The following COG7 variants were observed in gnomAD, a reference collection of about 807,000 sequenced individuals.
COG7 encodes component of oligomeric golgi complex 7.
A neutral mutation model predicts 91.5 loss-of-function variants in COG7; 49 were observed. The ratio of observed to expected loss-of-function variants is 0.54; its 90% CI spans 0.43 to 0.68. The LOEUF is 0.68. Among genes scored for constraint, COG7 ranks in the 30% least tolerant of loss-of-function variants. The pLI, the probability that COG7 is intolerant of heterozygous loss-of-function variation, is 0.00. For synonymous variants in COG7, 365 were observed against 388.7 expected (o/e 0.94, Z 0.72); for missense variants, 895 against 961.3 (o/e 0.93, Z 0.91).
intron 5 of COG7, 55 bp from the exon 6 acceptor site, chr16:23,433,722 T>G (rs1963969912): frequency 1.7e-5 from 27 of 1,608,422 alleles, no homozygotes; most frequent in Non-Finnish European, 2.3e-5. Flanking sequence ...AGGTTGCCTG[T>G]GAACACTGCC....
intron 1 of COG7, among the ~76,000 whole-genome samples, chr16:23,452,351 C>T (rs566136414): frequency 6.6e-6 from 1 of 152,138 alleles, no homozygotes; most frequent in Non-Finnish European, 1.5e-5. Flanking sequence ...CCATTATGCC[C>T]AGGAATTTGA....
intron 7 of COG7, among the ~76,000 whole-genome samples, chr16:23,420,121 G>A (rs943877057): frequency 9.9e-5 from 15 of 152,072 alleles, no homozygotes; most frequent in Admixed American, 9.2e-4. Context: ...GCGAGAGTCC[G>A]TCTCAAAACA....
At position 23,424,852 on chromosome 16, in the gene COG7, C is replaced by T. The variant is rs781240758; in HGVS notation, c.906G>A (p.Val302=). ...PSLPSCLSNG[V]ERAGPEQELT... ...GCTCCTGCTCGGGCCCTGCCCTCTCCACGCCGTTGCTGAGGCAGGAGGGCA... is the reference window on the plus strand; with the variant it reads ...GCTCCTGCTCGGGCCCTGCCCTCTCTACGCCGTTGCTGAGGCAGGAGGGCA... Residue 302 remains valine, a synonymous_variant, in exon 7 of 17, where the codon GTG becomes GTA. Coordinates refer to ENST00000307149, the MANE Select transcript of COG7 (RefSeq NM_153603.4). 7.4e-6 allele frequency: 12 copies of T among 1,614,106 alleles called. No individual in the cohort carries two copies. The Admixed American group carries it at 8.3e-5, about 11-fold the overall frequency.
In COG7 at chr16:23,388,950, G is replaced by A. The variant is rs144814374; in HGVS notation, c.2283C>T (p.Thr761=). Residue 761 remains threonine, a synonymous_variant, in exon 17 of 17, where the codon ACC becomes ACT. Coordinates refer to ENST00000307149, the MANE Select transcript of COG7 (RefSeq NM_153603.4). ...AATTCACACTCCGCATGGTGGCCAC[G>A]GTGGTGGCCAGGCGACGGGGCAGGC... ...SKGLPRRLAT[T]VATMRSVNY The A allele has an allele frequency of 1.7e-3, 2,688 of 1,614,156 alleles. 6 individuals are homozygous for A. Among genetic ancestry groups the A allele is most frequent in the Non-Finnish European group, 2.0e-3 (2,343 of 1,180,026 alleles).
At chr16:23,451,385 G>A (rs1314397777) in intron 1 of COG7, among the ~76,000 whole-genome samples, 1 of 152,128 alleles carries the variant, frequency 6.6e-6, no homozygotes, top group African/African-American at 2.4e-5. Context: ...ATGGTTGCCA[G>A]TGCATGTTAT....
At chr16:23,420,907 CTAAT>C (rs1963744785) in intron 7 of COG7, among the ~76,000 whole-genome samples, 1 of 139,524 alleles carries the variant, frequency 7.2e-6, no homozygotes, top group Admixed American at 7.3e-5. Flanking sequence ...CTATACCTGG[CTAAT>C]TTTTTTTTTT....
chr16:23,425,079 G>C, intron 6 of COG7, 132 bp from the exon 7 acceptor site: 1 of 753,634 alleles, frequency 1.3e-6, no homozygotes, highest in East Asian at 2.7e-5. Flanking sequence ...GGAGGCCAAG[G>C]AAGGTGGATC....
chr16:23,396,360 G>A (rs2142060862), intron 14 of COG7, among the ~76,000 whole-genome samples: 1 of 152,224 alleles, frequency 6.6e-6, no homozygotes, highest in Middle Eastern at 3.4e-3. Flanking sequence ...AATTTAGACT[G>A]CAAGCATACT....
At chr16:23,429,547 T>C (rs1567342137) in intron 6 of COG7, among the ~76,000 whole-genome samples, 1 of 152,078 alleles carries the variant, frequency 6.6e-6, no homozygotes, top group Non-Finnish European at 1.5e-5. Flanking sequence ...GCAGATCACC[T>C]GAGGTCAGGA....
intron 13 of COG7, among the ~76,000 whole-genome samples, chr16:23,401,471 T>C (rs948236799): frequency 2.6e-5 from 4 of 152,132 alleles, no homozygotes; most frequent in African/African-American, 9.7e-5. Flanking sequence ...TGTTTAAATG[T>C]AGAACTAAGC....
intron 9 of COG7, chr16:23,415,286 C>T (rs1002338055): frequency 6.6e-6 from 1 of 152,256 alleles, no homozygotes; most frequent in African/African-American, 2.4e-5. Context: ...ACCTCTGCAA[C>T]TATGGCAAAT....
At position 23,389,062 on chromosome 16, in the gene COG7, G is replaced by A; in HGVS notation, c.2171C>T (p.Ala724Val). 2 of 1,614,016 alleles carry A rather than the reference G, an allele frequency of 1.2e-6. No homozygotes were observed. The highest frequency in any genetic ancestry group is 1.7e-6 in the Non-Finnish European group (2 of 1,180,026). ...GGTGCGGGACGGCTGCAGGCCCAGGGCATCCATCACGTTGATCAGATAGTC... is the reference window on the plus strand; with the variant it reads ...GGTGCGGGACGGCTGCAGGCCCAGGACATCCATCACGTTGATCAGATAGTC... ...DIDYLINVMD[A>V]LGLQPSRTLQ... The change falls in exon 17 of 17, where the codon GCC becomes GTC. Residue 724 changes from alanine to valine, a missense_variant. By Grantham distance (64) the Ala-to-Val change is moderately conservative. Transcript: ENST00000307149.
intron 7 of COG7, among the ~76,000 whole-genome samples, chr16:23,419,320 A>G (rs1366300066): frequency 3.9e-5 from 6 of 151,912 alleles, no homozygotes; most frequent in African/African-American, 1.5e-4. Context: ...CTGAGGCAGG[A>G]GAATCACTTG....
At chr16:23,399,364 T>C (rs1963337812) in intron 13 of COG7, among the ~76,000 whole-genome samples, 2 of 152,220 alleles carry the variant, frequency 1.3e-5, no homozygotes, top group Admixed American at 1.3e-4. Context: ...TTTTTCCAGC[T>C]AACTCCCAAT....
intron 16 of COG7, chr16:23,392,141 C>T: frequency 7.1e-7 from 1 of 1,405,260 alleles, no homozygotes; most frequent in Non-Finnish European, 9.3e-7. Flanking sequence ...TGAAGCTCCC[C>T]TCAACGGTTC....
intron 11 of COG7, among the ~76,000 whole-genome samples, chr16:23,409,094 C>CGT (rs1567333482): frequency 3.9e-4 from 35 of 90,196 alleles, no homozygotes; most frequent in African/African-American, 1.5e-3. Flanking sequence ...TGTGTGCGTG[C>CGT]ATGTGTGTGT....
chr16:23,398,116 G>C lies in COG7; in HGVS notation c.1817C>G (p.Ala606Gly). The C allele has an allele frequency of 6.2e-7, 1 of 1,614,136 alleles. No homozygotes were observed. The highest frequency in any genetic ancestry group is 8.5e-7 in the Non-Finnish European group (1 of 1,179,980). Residue 606 changes from alanine (A) to glycine (G), a missense_variant, in exon 14 of 17, where the codon GCT becomes GGT. Coordinates refer to ENST00000307149, the MANE Select transcript of COG7 (RefSeq NM_153603.4). The part of the protein sequence containing the change: ...LISKMDSWNT[A>G]GIGETLTDEL... ...ATCTGTGAGGGTTTCTCCGATGCCA[G>C]CCGTATTCCAGCTCTAAGGGTGGAA...
rs1963600612 is a variant in COG7, at chr16:23,413,477, T to C, written c.1380A>G (p.Glu460=). 1.2e-6 allele frequency: 2 copies of C among 1,608,830 alleles called. No homozygotes were observed. Among genetic ancestry groups the C allele is most frequent in the East Asian group, 2.2e-5 (1 of 44,862 alleles). Residue 460 remains glutamate, a synonymous_variant, in exon 10 of 17, where the codon GAA becomes GAG. Coordinates refer to ENST00000307149, the MANE Select transcript of COG7 (RefSeq NM_153603.4). ...DHIPPNSLFQ[E]DWTAFQNSIR... ...TGGAGTTCTGAAAAGCCGTCCAATC[T>C]TCCTGGAAGAGGGAGTTGGGAGGAA...
At chr16:23,440,941 G>A (rs1964090944) in intron 4 of COG7, among the ~76,000 whole-genome samples, 1 of 152,174 alleles carries the variant, frequency 6.6e-6, no homozygotes, top group Non-Finnish European at 1.5e-5. Flanking sequence ...GGAGGGGACT[G>A]AGAGGGAGCA....
Sources: allele counts gnomAD v4.1 joint callset (sites outside exome capture counted in the v4.1 genomes callset), GRCh38; gene constraint gnomAD v4.1.1; transcripts MANE v1.5; gene names NCBI Gene and HGNC (gene_info 2026-07-23, HGNC 2026-07-21).